AP1G1: variants seen among roughly 807,000 people sequenced by gnomAD.
AP1G1 encodes the protein adaptor related protein complex 1 subunit gamma 1.
AP1G1 carries 7 observed loss-of-function variants against 108.3 expected under a neutral mutation model. That is an observed-to-expected ratio of 0.06 (90% CI 0.04 to 0.12). The LOEUF (loss-of-function observed/expected upper bound fraction) is 0.12. AP1G1 is among the 10% of genes least tolerant of loss of function. The pLI is 1.00. For missense variants in AP1G1, 756 were observed against 1,010.7 expected (o/e 0.75, Z 3.42); for synonymous variants, 379 against 353.5 (o/e 1.07, Z -0.81).
At chr16:71,785,315 A>G (rs919776195) in intron 2 of AP1G1, among the ~76,000 whole-genome samples, 2 of 151,970 alleles carry the variant, frequency 1.3e-5, no homozygotes, top group African/African-American at 4.8e-5. Context: ...GGTGGCTCAC[A>G]CCTGTAATTC....
chr16:71,767,601 T>G (rs888251710), intron 6 of AP1G1, among the ~76,000 whole-genome samples: 1 of 152,096 alleles, frequency 6.6e-6, no homozygotes, highest in Non-Finnish European at 1.5e-5. Context: ...CTGCTCAAAG[T>G]TTCTCAAGTA....
intron 2 of AP1G1, among the ~76,000 whole-genome samples, chr16:71,785,537 T>C (rs1478332916): frequency 7.0e-6 from 1 of 143,824 alleles, no homozygotes; most frequent in Non-Finnish European, 1.5e-5. Flanking sequence ...ATTGTGCCAT[T>C]GTACTCCAGC....
At chr16:71,757,585 C>A (rs752141008) in intron 11 of AP1G1, among the ~76,000 whole-genome samples, 2 of 152,136 alleles carry the variant, frequency 1.3e-5, no homozygotes, top group Admixed American at 1.3e-4. Context: ...ATTTATCCTG[C>A]ATAACCCTAT....
At chr16:71,760,143 T>C (rs1045359714) in intron 10 of AP1G1, among the ~76,000 whole-genome samples, 2 of 152,020 alleles carry the variant, frequency 1.3e-5, no homozygotes, top group Non-Finnish European at 2.9e-5. Context: ...AGTGCTGGAT[T>C]ACAGGTGTGA....
chr16:71,789,078 A>G (rs2032308664), intron 2 of AP1G1, among the ~76,000 whole-genome samples: 1 of 152,218 alleles, frequency 6.6e-6, no homozygotes, highest in Non-Finnish European at 1.5e-5. Flanking sequence ...CCGTATAATG[A>G]GACTCCCAGT....
intron 9 of AP1G1, 49 bp from the exon 10 acceptor site, chr16:71,761,616 A>G (rs761937378): frequency 7.2e-7 from 1 of 1,384,550 alleles, no homozygotes; most frequent in South Asian, 1.2e-5. Context: ...GAAGTTTTAT[A>G]TTGTTTCCTG....
rs1368683673 is a variant in AP1G1, at chr16:71,746,678, A to G, written c.1640T>C (p.Val547Ala). The change falls in exon 17 of 23, where the codon GTG becomes GCG. Residue 547 changes from valine to alanine, a missense_variant. By Grantham distance (64) the Val-to-Ala change is moderately conservative. Transcript: ENST00000299980. ...AATGCTGCTTCCGTAGATGGAAACC[A>G]CTTTCTTAATTCGGCTATAGATAAA... Reference protein sequence around the residue: ...FTCTVNRIKKVVSIYGSSIDV... With the variant: ...FTCTVNRIKKAVSIYGSSIDV... The G allele has an allele frequency of 6.2e-7, 1 of 1,611,524 alleles. No individual in the cohort carries two copies. Among genetic ancestry groups the G allele is most frequent in the South Asian group, 1.1e-5 (1 of 90,736 alleles).
rs771115226 is a variant in AP1G1, at chr16:71,773,384, T to G, written c.327-22A>C. The G allele has an allele frequency of 8.8e-6, 13 of 1,484,646 alleles. No individual in the cohort carries two copies. In the African/African-American group the frequency reaches 1.0e-4, roughly 11 times the overall value. The allele number at this position is 1,484,646 out of a possible 1,614,324, so 92.0% of individuals were successfully genotyped here. On this transcript the variant is annotated intron_variant, in intron 3 of 22. Transcript: ENST00000299980. ...ATCACTGCAAAAGAAAAGAGGAAGG[T>G]AGGAACAAGCCTGGTGCTCCCCAAG...
chr16:71,766,553 C>A, intron 6 of AP1G1: 1 of 373,762 alleles, frequency 2.7e-6, no homozygotes, highest in Non-Finnish European at 5.6e-6. Context: ...ACTCTAATGA[C>A]CAAAAATTAA....
At chr16:71,734,544 G>C (rs767921570) in intron 22 of AP1G1, 65 bp downstream of exon 22, 10 of 1,346,030 alleles carry the variant, frequency 7.4e-6, no homozygotes, top group Non-Finnish European at 1.1e-5. Context: ...AAACAAAGCA[G>C]AATTTTATTT....
At chr16:71,795,460 G>C (rs1043471364) in intron 1 of AP1G1, among the ~76,000 whole-genome samples, 17 of 152,292 alleles carry the variant, frequency 1.1e-4, no homozygotes, top group Admixed American at 1.3e-4. Flanking sequence ...TGTCAGTCTA[G>C]CTGAGAATGT....
At chr16:71,782,355 G>T (rs751195651) in intron 2 of AP1G1, among the ~76,000 whole-genome samples, 1 of 151,382 alleles carries the variant, frequency 6.6e-6, no homozygotes, top group Non-Finnish European at 1.5e-5. Context: ...GTAGAGATGG[G>T]GTTTCACTAT....
At chr16:71,759,418 G>A (rs1242663623) in intron 10 of AP1G1, among the ~76,000 whole-genome samples, 1 of 152,128 alleles carries the variant, frequency 6.6e-6, no homozygotes, top group Non-Finnish European at 1.5e-5. Context: ...CTGAGATCAT[G>A]CCACTGCACT....
At chr16:71,795,391 C>A (rs2032549415) in intron 1 of AP1G1, among the ~76,000 whole-genome samples, 1 of 152,146 alleles carries the variant, frequency 6.6e-6, no homozygotes, top group Non-Finnish European at 1.5e-5. Context: ...AGAAAAGACC[C>A]AAGCAAATAA....
chr16:71,782,198 C>G (rs1469851177), intron 2 of AP1G1, among the ~76,000 whole-genome samples: 1 of 152,184 alleles, frequency 6.6e-6, no homozygotes. Flanking sequence ...GAGTCTCACT[C>G]TGCCAACCAG....
At chr16:71,741,493 G>A (rs77707060) in intron 19 of AP1G1, among the ~76,000 whole-genome samples, 28,999 of 152,100 alleles carry the variant, frequency 0.19, 3,111 homozygotes, top group South Asian at 0.46. Flanking sequence ...TGAGGCAGGA[G>A]AATCGCTTGA....
chr16:71,799,423 C>T (rs2032703330), intron 1 of AP1G1, among the ~76,000 whole-genome samples: 1 of 152,078 alleles, frequency 6.6e-6, no homozygotes, highest in African/African-American at 2.4e-5. Flanking sequence ...AATTATGGTA[C>T]ATCCACGCTA....
At chr16:71,741,284 T>C (rs565288101) in intron 19 of AP1G1, among the ~76,000 whole-genome samples, 370 of 152,168 alleles carry the variant, frequency 2.4e-3, no homozygotes, top group African/African-American at 8.2e-3. Context: ...TAAAGAATAC[T>C]AGAAAAGTAA....
In AP1G1 at chr16:71,729,121, T is replaced by C. The variant is rs940825278; in HGVS notation, c.*3937A>G. Reference sequence around the variant, plus strand: ...CATGTAAATGTTTACATCCATTTTATTCCTCACTCGCCTCTAAGACTTATC... The same window carrying C: ...CATGTAAATGTTTACATCCATTTTACTCCTCACTCGCCTCTAAGACTTATC... On this transcript the variant is annotated 3_prime_UTR_variant, in exon 23 of 23. Transcript: ENST00000299980. 1.3e-5 allele frequency: 2 copies of C among 152,506 alleles called. No individual in the cohort carries two copies. Among genetic ancestry groups the C allele is most frequent in the Admixed American group, 6.6e-5 (1 of 15,252 alleles). The allele number at this position is 152,506 out of a possible 1,614,324, so 9.4% of individuals were successfully genotyped here.
Sources: allele counts gnomAD v4.1 joint callset (sites outside exome capture counted in the v4.1 genomes callset), GRCh38; gene constraint gnomAD v4.1.1; transcripts MANE v1.5; gene names NCBI Gene and HGNC (gene_info 2026-07-23, HGNC 2026-07-21).